The following ESRRG variants were observed in gnomAD, a reference collection of about 807,000 sequenced individuals.
The protein encoded by ESRRG is estrogen-related receptor gamma.
A neutral mutation model predicts 44.0 loss-of-function variants in ESRRG; 13 were observed. The observed-to-expected ratio is 0.30, with a 90% confidence interval of 0.19 to 0.47. ESRRG has a LOEUF of 0.47. Ranked by LOEUF, ESRRG falls within the 20% of genes least tolerant of loss-of-function variation. ESRRG has a pLI of 1.00. For synonymous variants in ESRRG, 215 were observed against 214.6 expected (o/e 1.00, Z -0.02); for missense variants, 395 against 580.6 (o/e 0.68, Z 3.29).
chr1:216,956,088 T>C (rs1297452492), intron 1 of ESRRG, among the ~76,000 whole-genome samples: 1 of 152,152 alleles, frequency 6.6e-6, no homozygotes, highest in Non-Finnish European at 1.5e-5. Flanking sequence ...GTCTGTGTTT[T>C]TACAGTCTTA....
intron 2 of ESRRG, among the ~76,000 whole-genome samples, chr1:216,736,449 C>T (rs960444234): frequency 6.6e-6 from 1 of 152,072 alleles, no homozygotes; most frequent in Admixed American, 6.5e-5. Context: ...TCCCAAAGTG[C>T]TGGGATTACA....
Position 216,506,402 on chromosome 1 carries a change from T to C in ESRRG, c.*537A>G. The C allele has an allele frequency of 3.3e-6, 1 of 304,562 alleles. No individual in the cohort carries two copies. The highest frequency in any genetic ancestry group is 6.4e-6 in the Non-Finnish European group (1 of 156,536). The allele number at this position is 304,562 out of a possible 1,614,324, so 18.9% of individuals were successfully genotyped here. A position where few individuals can be genotyped will look rare whatever the true frequency, so the allele number is the denominator to read the frequency against. On this transcript the variant is annotated 3_prime_UTR_variant, in exon 7 of 7. Transcript: ENST00000408911. ...TTCAGTTAGAGACCTCTTTTAAAAG[T>C]TCAGCAGCAGAAGGAAGAAAAAGAA...
intron 2 of ESRRG, among the ~76,000 whole-genome samples, chr1:216,921,359 C>A (rs2061824810): frequency 6.6e-6 from 1 of 152,190 alleles, no homozygotes; most frequent in South Asian, 2.1e-4. Flanking sequence ...ACATTACCTA[C>A]TTCTCAAGGT....
chr1:216,535,150 G>A (rs749981107), intron 5 of ESRRG, among the ~76,000 whole-genome samples: 9 of 152,112 alleles, frequency 5.9e-5, no homozygotes, highest in Admixed American at 3.9e-4. Flanking sequence ...CACAGCTTGA[G>A]ACTGTTCACT....
At position 216,519,262 on chromosome 1, in the gene ESRRG, C is replaced by T; in HGVS notation, c.1022G>A (p.Gly341Asp). ...IMDEDQSKLA[G>D]LLDLNNAILQ... ...GATAGCATTATTTAGATCAAGAAGG[C>T]CTGCTAATTTGGACTGGTCTTCGTC... Residue 341 changes from glycine to aspartate, a missense_variant, in exon 6 of 7, where the codon GGC becomes GAC. Around this residue, in one of 5 missense-constraint regions of ESRRG, gnomAD observed 167 missense variants for 251.8 expected, o/e 0.66. Transcript: ENST00000408911. The T allele has an allele frequency of 6.2e-7, 1 of 1,613,822 alleles. No homozygotes were observed. The highest frequency in any genetic ancestry group is 8.5e-7 in the Non-Finnish European group (1 of 1,179,812).
intron 1 of ESRRG, among the ~76,000 whole-genome samples, chr1:217,128,013 A>C (rs1253876050): frequency 6.6e-6 from 1 of 152,188 alleles, no homozygotes; most frequent in African/African-American, 2.4e-5. Context: ...TGACAGCCAC[A>C]CATGTGCTCG....
intron 2 of ESRRG, among the ~76,000 whole-genome samples, chr1:216,918,515 A>T (rs2061456602): frequency 6.6e-6 from 1 of 152,144 alleles, no homozygotes; most frequent in Non-Finnish European, 1.5e-5. Flanking sequence ...ATAGATATAT[A>T]CATGCTCAGC....
chr1:216,765,526 T>G (rs750130169), intron 2 of ESRRG, among the ~76,000 whole-genome samples: 27 of 152,224 alleles, frequency 1.8e-4, no homozygotes, highest in Non-Finnish European at 3.7e-4. Context: ...TTTACCTAGT[T>G]TATCAAGTTT....
At chr1:216,800,038 A>G (rs547927766) in intron 2 of ESRRG, among the ~76,000 whole-genome samples, 6 of 152,296 alleles carry the variant, frequency 3.9e-5, no homozygotes, top group Admixed American at 2.0e-4. Flanking sequence ...AAATTATGCT[A>G]AAACAAAGAA....
chr1:216,542,824 C>T (rs1317954933), intron 5 of ESRRG, among the ~76,000 whole-genome samples: 2 of 151,974 alleles, frequency 1.3e-5, no homozygotes, highest in African/African-American at 4.8e-5. Flanking sequence ...TCTTGCATGT[C>T]TCATGCATGA....
At chr1:217,064,704 T>A (rs2089313668) in intron 1 of ESRRG, among the ~76,000 whole-genome samples, 1 of 152,156 alleles carries the variant, frequency 6.6e-6, no homozygotes, top group Admixed American at 6.5e-5. Context: ...GTATTACAAC[T>A]TGCACTAATA....
At chr1:216,738,761 C>T (rs2090299485) in intron 2 of ESRRG, among the ~76,000 whole-genome samples, 1 of 152,170 alleles carries the variant, frequency 6.6e-6, no homozygotes, top group African/African-American at 2.4e-5. Context: ...AAAACACTGG[C>T]AGATTCCTGA....
At chr1:217,014,613 G>A (rs940316922) in intron 1 of ESRRG, among the ~76,000 whole-genome samples, 40 of 152,118 alleles carry the variant, frequency 2.6e-4, no homozygotes, top group African/African-American at 9.2e-4. Context: ...TCATCCCAAA[G>A]AAACATTCAA....
intron 1 of ESRRG, among the ~76,000 whole-genome samples, chr1:217,127,119 G>A (rs77821669): frequency 0.044 from 6,667 of 152,228 alleles, 232 homozygotes; most frequent in Middle Eastern, 0.082. Flanking sequence ...TTGTGTTGGT[G>A]TTTCTTACTC....
At chr1:216,983,585 G>A (rs994488280) in intron 1 of ESRRG, among the ~76,000 whole-genome samples, 6 of 151,754 alleles carry the variant, frequency 4.0e-5, no homozygotes, top group African/African-American at 1.4e-4. Context: ...TTCAAAAGCA[G>A]GTATCAAAGA....
chr1:216,734,054 C>G (rs113650705), intron 2 of ESRRG, among the ~76,000 whole-genome samples: 45 of 151,468 alleles, frequency 3.0e-4, no homozygotes, highest in Middle Eastern at 3.4e-3. Flanking sequence ...GAAGGGGCAC[C>G]AGGCAGAATC....
intron 1 of ESRRG, among the ~76,000 whole-genome samples, chr1:217,135,087 G>A (rs930715168): frequency 6.6e-6 from 1 of 152,196 alleles, no homozygotes; most frequent in African/African-American, 2.4e-5. Flanking sequence ...GCAGAGGGAT[G>A]GTGCCAAATG....
At chr1:216,583,997 T>C (rs895937584) in intron 3 of ESRRG, among the ~76,000 whole-genome samples, 8 of 152,190 alleles carry the variant, frequency 5.3e-5, no homozygotes, top group Non-Finnish European at 8.8e-5. Context: ...GAATTCAAGA[T>C]GAGATCTGGA....
In ESRRG at chr1:216,557,234, A is replaced by T. The variant is rs549743577; in HGVS notation, c.862+6985T>A. Reference sequence around the variant, plus strand: ...TATAGGACATACATTTCCTTTTTAAATTCACTCTCCTTCCCTTTAATCTTT... The same window carrying T: ...TATAGGACATACATTTCCTTTTTAATTTCACTCTCCTTCCCTTTAATCTTT... On this transcript the variant is annotated intron_variant, in intron 5 of 6. Coordinates refer to ENST00000408911, the MANE Select transcript of ESRRG (RefSeq NM_001438.4). 4.6e-5 allele frequency among the ~76,000 whole-genome samples: 7 copies of T among 152,262 alleles called. No individual in the cohort carries two copies. The East Asian group carries it at 1.4e-3, about 29-fold the overall frequency.
Sources: allele counts gnomAD v4.1 joint callset (sites outside exome capture counted in the v4.1 genomes callset), GRCh38; gene constraint gnomAD v4.1.1; regional missense constraint gnomAD v4.1.1; transcripts MANE v1.5; gene names NCBI Gene and HGNC (gene_info 2026-07-23, HGNC 2026-07-21).